The following PHF19 variants were observed in gnomAD, a reference collection of about 807,000 sequenced individuals.
PHF19 encodes the protein PHD finger protein 19, also known as polycomb like 3.
A neutral mutation model predicts 79.8 loss-of-function variants in PHF19; 21 were observed. That is an observed-to-expected ratio of 0.26 (90% CI 0.19 to 0.38). The LOEUF (loss-of-function observed/expected upper bound fraction) is 0.38. Ranked by LOEUF, PHF19 falls within the 10% of genes least tolerant of loss-of-function variation. The pLI, the probability that PHF19 is intolerant of heterozygous loss-of-function variation, is 1.00. For missense variants in PHF19, 445 were observed against 744.2 expected (o/e 0.60, Z 4.68); for synonymous variants, 273 against 296.3 (o/e 0.92, Z 0.81).
chr9:120,864,415 C>A (rs1288339603), intron 9 of PHF19, among the ~76,000 whole-genome samples: 1 of 146,688 alleles, frequency 6.8e-6, no homozygotes, highest in Non-Finnish European at 1.5e-5. Flanking sequence ...AGATATAACA[C>A]GAAATAGGAA....
At chr9:120,883,663 G>A (rs1218532471) in intron 1 of PHF19, among the ~76,000 whole-genome samples, 1 of 151,972 alleles carries the variant, frequency 6.6e-6, no homozygotes, top group African/African-American at 2.4e-5. Flanking sequence ...GGGAGCCTGA[G>A]GTGGGAGGAT....
chr9:120,890,898 C>G (rs1052783941), intron 1 of PHF19, among the ~76,000 whole-genome samples: 1 of 152,162 alleles, frequency 6.6e-6, no homozygotes, highest in Non-Finnish European at 1.5e-5. Flanking sequence ...CATACAAGGC[C>G]CTTTGTGATC....
In PHF19 at chr9:120,870,599, A is replaced by C. The variant is rs1210831678; in HGVS notation, c.269-61T>G. On this transcript the variant is annotated intron_variant, in intron 3 of 14. Coordinates refer to ENST00000373896, the MANE Select transcript of PHF19 (RefSeq NM_015651.3). The surrounding 1 kb of genome is among the most constrained non-coding windows in gnomAD (Gnocchi z 4.4). ...ACAGGAATGGAAGTTTTATACTCAC[A>C]TTCCAGATGCCCAGCCTCTAATGTC... 1 of 975,008 alleles carries C rather than the reference A, an allele frequency of 1.0e-6. No homozygotes were observed. The highest frequency in any genetic ancestry group is 1.6e-5 in the African/African-American group (1 of 62,510). 60.4% of individuals were successfully genotyped at this position (975,008 alleles called of 1,614,324 possible).
chr9:120,869,724 C>T lies in PHF19; in HGVS notation c.465+121G>A. ...CCAAGGACAGTGGCAGAGGCGCTAT[C>T]TGTCTCCAAAGCCCAGGTGTGGCCC... On this transcript the variant is annotated intron_variant, in intron 5 of 14. Transcript: ENST00000373896. This position sits in a 1 kb window ranked among gnomAD's most constrained non-coding sequence, Gnocchi z 5.8. The T allele has an allele frequency of 2.6e-6, 4 of 1,564,904 alleles. No individual in the cohort carries two copies. Among genetic ancestry groups the T allele is most frequent in the Non-Finnish European group, 3.5e-6 (4 of 1,153,920 alleles).
intron 1 of PHF19, among the ~76,000 whole-genome samples, chr9:120,876,823 C>T (rs768693890): frequency 6.6e-6 from 1 of 152,212 alleles, no homozygotes; most frequent in East Asian, 1.9e-4. Flanking sequence ...CTGTCCTTCC[C>T]CCACCCCGAT....
intron 1 of PHF19, among the ~76,000 whole-genome samples, chr9:120,889,303 G>A (rs1449476279): frequency 2.6e-5 from 4 of 152,010 alleles, no homozygotes; most frequent in South Asian, 2.1e-4. Flanking sequence ...GCAGGCGCCT[G>A]TAGTCCCTGC....
rs1329326954 is a variant in PHF19 at position 120,866,126 on chromosome 9, G to A, written c.711-30C>T. The A allele has an allele frequency of 1.3e-6, 2 of 1,561,190 alleles. No individual in the cohort carries two copies. Among genetic ancestry groups the A allele is most frequent in the Non-Finnish European group, 1.8e-6 (2 of 1,132,106 alleles). The stretch of plus-strand genomic sequence containing the variant: ...GGGTGGGTAGAGACGGGGGCCTATG[G>A]TGGGAGGGGCTCTGACACCCCCACC... On this transcript the variant is annotated intron_variant, in intron 7 of 14. Transcript: ENST00000373896. This position sits in a 1 kb window ranked among gnomAD's most constrained non-coding sequence, Gnocchi z 5.2.
Position 120,862,493 on chromosome 9 carries a change from C to T in PHF19, c.1130+95G>A. ...ATCTAGCCCTCTCAGGGTCCTACAG[C>T]TGGGACTGGCTGGGTGCAGGTCCTC... On this transcript the variant is annotated intron_variant, in intron 11 of 14. Transcript: ENST00000373896. The surrounding 1 kb of genome is among the most constrained non-coding windows in gnomAD (Gnocchi z 4.6). 1 of 1,080,674 alleles carries T rather than the reference C, an allele frequency of 9.3e-7. No individual in the cohort carries two copies. The highest frequency in any genetic ancestry group is 1.4e-6 in the Non-Finnish European group (1 of 718,332). 66.9% of individuals were successfully genotyped at this position (1,080,674 alleles called of 1,614,324 possible). A position where few individuals can be genotyped will look rare whatever the true frequency, so the allele number is the denominator to read the frequency against.
At position 120,855,912 on chromosome 9, in the gene PHF19, G is replaced by T; in HGVS notation, c.*2032C>A. The T allele has an allele frequency of 6.5e-6, 1 of 152,866 alleles. No homozygotes were observed. The highest frequency in any genetic ancestry group is 1.5e-5 in the Non-Finnish European group (1 of 68,138). The allele number at this position is 152,866 out of a possible 1,614,324, so 9.5% of individuals were successfully genotyped here. A position where few individuals can be genotyped will look rare whatever the true frequency, so the allele number is the denominator to read the frequency against. ...CTCCTTTTCCCTCTCCAGGCCCACAGCCTCCCCAGAGCCCAGGTAGGGAAG... is the reference window on the plus strand; with the variant it reads ...CTCCTTTTCCCTCTCCAGGCCCACATCCTCCCCAGAGCCCAGGTAGGGAAG... On this transcript the variant is annotated 3_prime_UTR_variant, in exon 15 of 15. Coordinates refer to ENST00000373896, the MANE Select transcript of PHF19 (RefSeq NM_015651.3).
At chr9:120,863,244 G>C (rs543399582) in intron 10 of PHF19, among the ~76,000 whole-genome samples, 1 of 150,058 alleles carries the variant, frequency 6.7e-6, no homozygotes, top group Non-Finnish European at 1.5e-5. Context: ...GGGAGGGCAG[G>C]TGGCCTCTTG....
rs2045351640 is a variant in PHF19, at chr9:120,855,887, CTCCTTTTCCCTCTCCA to C, written c.*2041_*2056del. 6.5e-6 allele frequency: 1 copy of C among 152,772 alleles called. No homozygotes were observed. Among genetic ancestry groups the C allele is most frequent in the Admixed American group, 6.5e-5 (1 of 15,280 alleles). 9.5% of individuals were successfully genotyped at this position (152,772 alleles called of 1,614,324 possible). Reference sequence around the variant, plus strand: ...CCCAGGTGGTGCAGACACCCCCTCCCTCCTTTTCCCTCTCCAGGCCCACAGCCTCCCCAGAGCCCAG... The same window carrying C: ...CCCAGGTGGTGCAGACACCCCCTCCCGGCCCACAGCCTCCCCAGAGCCCAG... On this transcript the variant is annotated 3_prime_UTR_variant, in exon 15 of 15. Coordinates refer to ENST00000373896, the MANE Select transcript of PHF19 (RefSeq NM_015651.3).
chr9:120,862,073 A>G lies in PHF19; in HGVS notation c.1131-68T>C. On this transcript the variant is annotated intron_variant, in intron 11 of 14. Coordinates refer to ENST00000373896, the MANE Select transcript of PHF19 (RefSeq NM_015651.3). This position sits in a 1 kb window ranked among gnomAD's most constrained non-coding sequence, Gnocchi z 4.6. ...GAGGGCCCTAGGGTGGCCCAGAGGG[A>G]GGCGCCGCAGGGGCGGGGGTCACAG... is the stretch of plus-strand genomic sequence containing the variant. The G allele has an allele frequency of 1.8e-6, 2 of 1,117,252 alleles. No homozygotes were observed. Among genetic ancestry groups the G allele is most frequent in the Non-Finnish European group, 2.7e-6 (2 of 727,442 alleles). The allele number at this position is 1,117,252 out of a possible 1,614,324, so 69.2% of individuals were successfully genotyped here.
the PHF19 span, among the ~76,000 whole-genome samples, chr9:120,901,209 T>C: frequency 6.6e-6 from 1 of 152,076 alleles, no homozygotes; most frequent in East Asian, 1.9e-4. Flanking sequence ...TTTTTGTTGT[T>C]TGAGACAGAG....
Position 120,874,244 on chromosome 9 carries a change from A to T in PHF19, c.187-184T>A, listed in dbSNP as rs1053157366. ...CCTGGAGTCGTACAGCCAGGGACCG[A>T]TGGATGGCAACTTGGTCAGAATGTT... On this transcript the variant is annotated intron_variant, in intron 2 of 14. Transcript: ENST00000373896. This position sits in a 1 kb window ranked among gnomAD's most constrained non-coding sequence, Gnocchi z 4.5. 7.2e-5 allele frequency among the ~76,000 whole-genome samples: 11 copies of T among 152,196 alleles called. No homozygotes were observed. Among genetic ancestry groups the T allele is most frequent in the Admixed American group, 5.9e-4 (9 of 15,286 alleles).
intron 1 of PHF19, among the ~76,000 whole-genome samples, chr9:120,892,947 G>C (rs1453549351): frequency 6.6e-6 from 1 of 152,188 alleles, no homozygotes; most frequent in Non-Finnish European, 1.5e-5. Context: ...TTTAGAGATG[G>C]AAAGACAATA....
chr9:120,885,749 C>A (rs2046254442), intron 1 of PHF19, among the ~76,000 whole-genome samples: 1 of 152,146 alleles, frequency 6.6e-6, no homozygotes, highest in Admixed American at 6.6e-5. Flanking sequence ...CCCCAGCAGT[C>A]CTCTTGAGTT....
chr9:120,860,776 G>T lies in PHF19; in HGVS notation c.1304+313C>A. On this transcript the variant is annotated intron_variant, in intron 13 of 14. Coordinates refer to ENST00000373896, the MANE Select transcript of PHF19 (RefSeq NM_015651.3). The surrounding 1 kb of genome is among the most constrained non-coding windows in gnomAD (Gnocchi z 4.1). Reference sequence around the variant, plus strand: ...AGTAAAGCCTTCCTGGAAGAAGCAGGGTCCTGAGTTTTCAGATGGGCTAGG... The same window carrying T: ...AGTAAAGCCTTCCTGGAAGAAGCAGTGTCCTGAGTTTTCAGATGGGCTAGG... The T allele has an allele frequency of 6.7e-6, 2 of 296,328 alleles. No individual in the cohort carries two copies. Among genetic ancestry groups the T allele is most frequent in the African/African-American group, 4.2e-5 (2 of 47,420 alleles). The allele number at this position is 296,328 out of a possible 1,614,324, so 18.4% of individuals were successfully genotyped here.
intron 9 of PHF19, 113 bp downstream of exon 9, chr9:120,865,597 G>T: frequency 7.5e-7 from 1 of 1,329,626 alleles, no homozygotes; most frequent in Non-Finnish European, 1.1e-6. Context: ...CTGGACTCAG[G>T]GATGCAGCAA....
At position 120,862,633 on chromosome 9, in the gene PHF19, T is replaced by C; in HGVS notation, c.1085A>G (p.Asn362Ser). Reference protein sequence around the residue: ...LPDKGLLPNENSASSELRKRG... With the variant: ...LPDKGLLPNESSASSELRKRG... ...CTTACGCAGCTCAGAGGAGGCGCTG[T>C]TCTCATTTGGCAGCAGTCCTTTGTC... is the stretch of plus-strand genomic sequence containing the variant. The change falls in exon 11 of 15, where the codon AAC (asparagine) becomes AGC (serine). Residue 362 changes from asparagine (N) to serine (S), a missense_variant. Around this residue, in one of 5 missense-constraint regions of PHF19, gnomAD observed 83 missense variants for 85.5 expected, o/e 0.97. Transcript: ENST00000373896. The surrounding 1 kb of genome is among the most constrained non-coding windows in gnomAD (Gnocchi z 4.6). 1.2e-6 allele frequency: 2 copies of C among 1,614,096 alleles called. No individual in the cohort carries two copies. Among genetic ancestry groups the C allele is most frequent in the Non-Finnish European group, 1.7e-6 (2 of 1,179,950 alleles).
Sources: allele counts gnomAD v4.1 joint callset (sites outside exome capture counted in the v4.1 genomes callset), GRCh38; gene constraint gnomAD v4.1.1; regional missense constraint gnomAD v4.1.1; non-coding constraint Gnocchi (gnomAD v3.1); transcripts MANE v1.5; gene names NCBI Gene and HGNC (gene_info 2026-07-23, HGNC 2026-07-21).